CDKL1: variants seen among roughly 807,000 people sequenced by gnomAD.
The protein encoded by CDKL1 is cyclin dependent kinase like 1, also known as cyclin-dependent kinase-like 1.
Under a neutral mutation model 42.0 loss-of-function variants are expected in CDKL1, and 41 were observed. The observed-to-expected ratio is 0.98, with a 90% CI of 0.76 to 1.27. The LOEUF (loss-of-function observed/expected upper bound fraction) is 1.27, where lower values mean the gene tolerates loss of function less well. CDKL1 is among the 50% of genes most tolerant of loss of function. The probability of loss-of-function intolerance (pLI) is 0.00; values close to 1 mark genes in which losing one functional copy is unlikely to be tolerated. For synonymous variants in CDKL1, 153 were observed against 158.6 expected, an observed-to-expected ratio of 0.96 and a Z score of 0.26; for missense variants, 394 against 428.4, an observed-to-expected ratio of 0.92 and a Z score of 0.71.
intron 2 of CDKL1, among the ~76,000 whole-genome samples, chr14:50,391,788 T>C (rs917157885): frequency 6.6e-6 from 1 of 152,192 alleles, no homozygotes; most frequent in Non-Finnish European, 1.5e-5. Context: ...CATCAAGTTT[T>C]TTCTCTACTG....
chr14:50,378,709 AT>A (rs869260836), intron 2 of CDKL1, among the ~76,000 whole-genome samples: 1 of 151,728 alleles, frequency 6.6e-6, no homozygotes, highest in Non-Finnish European at 1.5e-5. Flanking sequence ...AATTAAAAAA[AT>A]TTTTTTTGTG....
At chr14:50,353,026 G>A (rs1454760993) in intron 3 of CDKL1, among the ~76,000 whole-genome samples, 2 of 152,134 alleles carry the variant, frequency 1.3e-5, no homozygotes, top group South Asian at 2.1e-4. Context: ...CATCCATCTC[G>A]ACTTTAGGAA....
intron 2 of CDKL1, among the ~76,000 whole-genome samples, chr14:50,375,277 A>G (rs2139500090): frequency 6.6e-6 from 1 of 152,344 alleles, no homozygotes. Context: ...ATACTAATAT[A>G]AATAAATGAT....
At chr14:50,344,882 G>T (rs910149023) in intron 4 of CDKL1, 104 bp downstream of exon 4, 32 of 899,394 alleles carry the variant, frequency 3.6e-5, no homozygotes, top group Non-Finnish European at 4.8e-5. Context: ...TGAAGATTTG[G>T]GTAAAAAATT....
chr14:50,369,193 T>G (rs2034518696), intron 2 of CDKL1, among the ~76,000 whole-genome samples: 1 of 152,070 alleles, frequency 6.6e-6, no homozygotes, highest in African/African-American at 2.4e-5. Context: ...AAATGTTACT[T>G]TAAAATCCTG....
chr14:50,376,602 GCTA>G (rs1333649806), intron 2 of CDKL1, among the ~76,000 whole-genome samples: 1 of 152,112 alleles, frequency 6.6e-6, no homozygotes, highest in East Asian at 1.9e-4. Flanking sequence ...AAGAAGGCAA[GCTA>G]CTGAGTAATT....
intron 3 of CDKL1, among the ~76,000 whole-genome samples, chr14:50,346,666 T>TTTTGAGATGGAGTC (rs1364606575): frequency 1.3e-5 from 2 of 151,086 alleles, no homozygotes; most frequent in African/African-American, 2.4e-5. Context: ...TTTTTTTTTT[T>TTTTGAGATGGAGTC]TTGAGATGGA....
At chr14:50,339,467 C>T (rs1429202635) in intron 6 of CDKL1, among the ~76,000 whole-genome samples, 2 of 130,776 alleles carry the variant, frequency 1.5e-5, no homozygotes, top group Non-Finnish European at 3.1e-5. Flanking sequence ...ATAACAGTGT[C>T]TAACATAGAG....
rs2033403019 is a variant in CDKL1, at chr14:50,338,819, C to T, written c.738+128G>A. On this transcript the variant is annotated intron_variant, in intron 7 of 9. Coordinates refer to ENST00000395834, the MANE Select transcript of CDKL1 (RefSeq NM_004196.7). ...GGCTAAAGTCTCGCTAGCCAATTTG[C>T]TCCAATTTTCTTTTTCTCTGTTAGA... 2.1e-5 allele frequency: 15 copies of T among 708,498 alleles called. No individual in the cohort carries two copies. In the South Asian group the frequency reaches 2.1e-4, roughly 10 times the overall value. 43.9% of individuals were successfully genotyped at this position (708,498 alleles called of 1,614,324 possible).
chr14:50,330,390 A>G, intron 9 of CDKL1: 1 of 508,072 alleles, frequency 2.0e-6, no homozygotes, highest in Non-Finnish European at 3.3e-6. Context: ...AAACATTCAC[A>G]TTAAAGAAGA....
At chr14:50,350,218 G>A (rs190239972) in intron 3 of CDKL1, among the ~76,000 whole-genome samples, 1 of 152,360 alleles carries the variant, frequency 6.6e-6, no homozygotes, top group African/African-American at 2.4e-5. Flanking sequence ...GCCTAAGGAA[G>A]ATGTTCTTAA....
intron 2 of CDKL1, among the ~76,000 whole-genome samples, chr14:50,384,082 A>G (rs2035003496): frequency 6.6e-6 from 1 of 152,234 alleles, no homozygotes; most frequent in South Asian, 2.1e-4. Context: ...AGAGATAATG[A>G]TAAGAGGATT....
At chr14:50,365,967 C>T (rs2034427496) in intron 2 of CDKL1, among the ~76,000 whole-genome samples, 1 of 152,226 alleles carries the variant, frequency 6.6e-6, no homozygotes, top group African/African-American at 2.4e-5. Flanking sequence ...GGCCTTCAGC[C>T]ACAGACAGAA....
intron 2 of CDKL1, among the ~76,000 whole-genome samples, chr14:50,392,377 C>T (rs2035282232): frequency 6.6e-6 from 1 of 151,400 alleles, no homozygotes; most frequent in Non-Finnish European, 1.5e-5. Context: ...ACCTGGGAGG[C>T]GGAGGTTGCA....
At chr14:50,355,546 T>C (rs1482429198) in intron 3 of CDKL1, among the ~76,000 whole-genome samples, 1 of 152,230 alleles carries the variant, frequency 6.6e-6, no homozygotes, top group African/African-American at 2.4e-5. Context: ...TAACTATCAA[T>C]TTATTGGTTT....
intron 3 of CDKL1, among the ~76,000 whole-genome samples, chr14:50,353,702 A>G (rs1400616101): frequency 2.0e-5 from 3 of 152,218 alleles, no homozygotes; most frequent in African/African-American, 7.2e-5. Context: ...AAAGGTAGAT[A>G]TGTATAGATA....
Position 50,329,991 on chromosome 14 carries a change from A to G in CDKL1, c.*83T>C. The stretch of plus-strand genomic sequence containing the variant: ...CTCCTGGTGTGTTTTCAACATTGTA[A>G]TTGTTTTCAATCAACTGTATAAGTT... On this transcript the variant is annotated 3_prime_UTR_variant, in exon 10 of 10. Coordinates refer to ENST00000395834, the MANE Select transcript of CDKL1 (RefSeq NM_004196.7). The G allele has an allele frequency of 6.7e-7, 1 of 1,488,484 alleles. No individual in the cohort carries two copies. Among genetic ancestry groups the G allele is most frequent in the Non-Finnish European group, 9.0e-7 (1 of 1,112,876 alleles). 92.2% of individuals were successfully genotyped at this position (1,488,484 alleles called of 1,614,324 possible). A position where few individuals can be genotyped will look rare whatever the true frequency, so the allele number is the denominator to read the frequency against.
At position 50,391,309 on chromosome 14, in the gene CDKL1, G is replaced by A. The variant is rs537206057; in HGVS notation, c.168+4392C>T. Among the ~76,000 whole-genome samples the A allele has an allele frequency of 1.4e-4, 21 of 152,290 alleles. No homozygotes were observed. In the South Asian group the frequency reaches 3.5e-3, roughly 26 times the overall value. On this transcript the variant is annotated intron_variant, in intron 2 of 9. Transcript: ENST00000395834. Reference sequence around the variant, plus strand: ...ATGTGTCATATGCAAATCAGAAGACGGTGAATACCCTGGTAGAAGAAGTTC... The same window carrying A: ...ATGTGTCATATGCAAATCAGAAGACAGTGAATACCCTGGTAGAAGAAGTTC...
In CDKL1 at chr14:50,395,931, T is replaced by C; in HGVS notation, c.-63A>G. 2 of 1,508,056 alleles carry C rather than the reference T, an allele frequency of 1.3e-6. No individual in the cohort carries two copies. Among genetic ancestry groups the C allele is most frequent in the Non-Finnish European group, 1.8e-6 (2 of 1,087,282 alleles). The allele number at this position is 1,508,056 out of a possible 1,614,324, so 93.4% of individuals were successfully genotyped here. ...CGAGAATGGTGGCTCACGCCTGTAA[T>C]CCCAGCACTTTGGGAGGCTGAGGCG... On this transcript the variant is annotated 5_prime_UTR_variant, in exon 2 of 10. Transcript: ENST00000395834.
Sources: allele counts gnomAD v4.1 joint callset (sites outside exome capture counted in the v4.1 genomes callset), GRCh38; gene constraint gnomAD v4.1.1; transcripts MANE v1.5; gene names NCBI Gene and HGNC (gene_info 2026-07-23, HGNC 2026-07-21).